Variants in RORA observed in about 807,000 individuals in gnomAD.
RORA encodes the protein RAR related orphan receptor A.
A neutral mutation model predicts 69.5 loss-of-function variants in RORA; 7 were observed. The observed-to-expected ratio is 0.10, with a 90% confidence interval of 0.06 to 0.19. The LOEUF is 0.19. Ranked by LOEUF, RORA falls within the 10% of genes least tolerant of loss-of-function variation. The pLI, the probability that RORA is intolerant of heterozygous loss-of-function variation, is 1.00. For missense variants in RORA, 457 were observed against 663.0 expected (o/e 0.69, Z 3.41); for synonymous variants, 261 against 240.8 (o/e 1.08, Z -0.78).
intron 1 of RORA, among the ~76,000 whole-genome samples, chr15:61,201,609 T>C (rs1324714283): frequency 1.3e-5 from 2 of 152,228 alleles, no homozygotes; most frequent in African/African-American, 2.4e-5. Context: ...GAAATATTTC[T>C]GAATTAACTA....
Position 61,229,141 on chromosome 15 carries a change from G to T in RORA, c.78C>A (p.Ser26=). The T allele has an allele frequency of 6.5e-7, 1 of 1,543,538 alleles. No individual in the cohort carries two copies. The stretch of plus-strand genomic sequence containing the variant: ...ATTCCTGGTTCAGCGGGGTCTCCCT[G>T]GAGCCGGCGGCCGCGTCCGCGCCGC... ...GSSGADAAAG[S]RETPLNQESA... The change falls in exon 1 of 11, where the codon TCC becomes TCA. Residue 26 remains serine (S), a synonymous_variant. Coordinates refer to ENST00000335670, the MANE Select transcript of RORA (RefSeq NM_134261.3).
At chr15:60,992,580 TCTC>T (rs1171847490) in intron 1 of RORA, among the ~76,000 whole-genome samples, 2 of 152,154 alleles carry the variant, frequency 1.3e-5, no homozygotes, top group African/African-American at 2.4e-5. Context: ...ATCACTTCCT[TCTC>T]CTCATTGCCA....
chr15:61,198,893 G>A (rs2079870944), intron 1 of RORA, among the ~76,000 whole-genome samples: 1 of 152,114 alleles, frequency 6.6e-6, no homozygotes, highest in Admixed American at 6.6e-5. Context: ...TCACCCGCCA[G>A]CAGCCCTGTC....
intron 1 of RORA, chr15:60,706,269 A>G (rs75752939): frequency 1.3e-5 from 2 of 152,336 alleles, no homozygotes; most frequent in African/African-American, 2.4e-5. Context: ...GAAGGACAGC[A>G]TGGGTAGTAC....
chr15:60,853,009 G>A (rs891422099), intron 1 of RORA, among the ~76,000 whole-genome samples: 4 of 152,096 alleles, frequency 2.6e-5, no homozygotes, highest in African/African-American at 7.2e-5. Flanking sequence ...TGTGTCTGTC[G>A]CTGTGGCAAT....
At chr15:60,607,405 A>G (rs1401691388) in intron 2 of RORA, among the ~76,000 whole-genome samples, 1 of 152,198 alleles carries the variant, frequency 6.6e-6, no homozygotes, top group Non-Finnish European at 1.5e-5. Context: ...CGCTGCAGAA[A>G]ATTAATTTTT....
intron 1 of RORA, among the ~76,000 whole-genome samples, chr15:60,723,105 T>C (rs913692729): frequency 6.6e-6 from 1 of 152,136 alleles, no homozygotes. Flanking sequence ...TTTTCAATAA[T>C]TATAAAAATA....
intron 1 of RORA, among the ~76,000 whole-genome samples, chr15:61,019,527 G>A (rs1244917290): frequency 6.6e-6 from 1 of 152,134 alleles, no homozygotes; most frequent in East Asian, 1.9e-4. Flanking sequence ...TTGTCTTCGT[G>A]CTAAATAGTT....
intron 1 of RORA, among the ~76,000 whole-genome samples, chr15:60,774,086 G>A (rs1423157309): frequency 6.6e-6 from 1 of 152,210 alleles, no homozygotes; most frequent in Non-Finnish European, 1.5e-5. Context: ...GAGACCCTTT[G>A]ACAACAGTAC....
intron 2 of RORA, among the ~76,000 whole-genome samples, chr15:60,532,510 C>G (rs1024651702): frequency 6.6e-6 from 1 of 152,092 alleles, no homozygotes; most frequent in Middle Eastern, 3.2e-3. Context: ...AAATTTAGTT[C>G]CTGGTACAGA....
At chr15:60,813,958 G>C (rs2072776818) in intron 1 of RORA, among the ~76,000 whole-genome samples, 1 of 151,992 alleles carries the variant, frequency 6.6e-6, no homozygotes, top group African/African-American at 2.4e-5. Flanking sequence ...CATGTTATGG[G>C]GGAGAACAAG....
chr15:60,618,838 C>A (rs569277353), intron 2 of RORA, among the ~76,000 whole-genome samples: 1 of 152,162 alleles, frequency 6.6e-6, no homozygotes, highest in South Asian at 2.1e-4. Context: ...CCAAATCTTG[C>A]TAATCTGCTG....
At chr15:61,016,748 G>T (rs1175697140) in intron 1 of RORA, among the ~76,000 whole-genome samples, 1 of 152,156 alleles carries the variant, frequency 6.6e-6, no homozygotes, top group African/African-American at 2.4e-5. Flanking sequence ...GGGGAGACAA[G>T]TCACTGGGCA....
chr15:60,597,591 T>TAC lies in RORA; in HGVS notation c.197-65741_197-65740insGT, dbSNP rs1555436006. ...ATATATATACACATATATATATATA[T>TAC]ATACACATATATATATATATATATA... On this transcript the variant is annotated intron_variant, in intron 2 of 10. Transcript: ENST00000335670. Among the ~76,000 whole-genome samples the TAC allele has an allele frequency of 6.4e-3, 159 of 24,660 alleles. 17 individuals are homozygous for TAC. The highest frequency in any genetic ancestry group is 0.02 in the African/African-American group (135 of 6,788). The allele number at this position is 24,660 out of a possible 152,430, so 16.2% of individuals were successfully genotyped here.
chr15:60,706,522 A>C (rs1249845852), intron 1 of RORA, among the ~76,000 whole-genome samples: 1 of 152,214 alleles, frequency 6.6e-6, no homozygotes, highest in Non-Finnish European at 1.5e-5. Flanking sequence ...TGTTGAAGCA[A>C]TAGGAGATAC....
intron 1 of RORA, among the ~76,000 whole-genome samples, chr15:60,954,920 T>C (rs1273965364): frequency 6.6e-6 from 1 of 152,214 alleles, no homozygotes; most frequent in Non-Finnish European, 1.5e-5. Context: ...GATGACTCAA[T>C]ACATACTTAC....
intron 1 of RORA, among the ~76,000 whole-genome samples, chr15:61,222,980 T>C (rs937319263): frequency 1.3e-5 from 2 of 152,138 alleles, no homozygotes; most frequent in Non-Finnish European, 2.9e-5. Flanking sequence ...ATACAGTAAA[T>C]AACTTACTTG....
At chr15:60,727,566 G>T (rs1381816134) in intron 1 of RORA, among the ~76,000 whole-genome samples, 1 of 152,126 alleles carries the variant, frequency 6.6e-6, no homozygotes, top group Non-Finnish European at 1.5e-5. Context: ...ATCAGAACAA[G>T]GAAAGAATGC....
intron 1 of RORA, among the ~76,000 whole-genome samples, chr15:61,148,571 A>G (rs569082158): frequency 6.6e-6 from 1 of 152,244 alleles, no homozygotes; most frequent in East Asian, 1.9e-4. Context: ...CTAATCAATA[A>G]ATTAATTTAA....
Sources: allele counts gnomAD v4.1 joint callset (sites outside exome capture counted in the v4.1 genomes callset), GRCh38; gene constraint gnomAD v4.1.1; transcripts MANE v1.5; gene names NCBI Gene and HGNC (gene_info 2026-07-23, HGNC 2026-07-21).